ASXL2: variants seen among roughly 807,000 people sequenced by gnomAD.
ASXL2 encodes putative Polycomb group protein ASXL2.
Under a neutral mutation model 122.0 loss-of-function variants are expected in ASXL2, and 23 were observed. That is an observed-to-expected ratio of 0.19 (90% confidence interval 0.14 to 0.27). ASXL2 has a LOEUF of 0.27. ASXL2 is among the 10% of genes least tolerant of loss of function. The pLI is 1.00. For synonymous variants in ASXL2, 650 were observed against 637.0 expected (o/e 1.02, Z -0.31); for missense variants, 1,518 against 1,713.8 (o/e 0.89, Z 2.02).
At chr2:25,846,184 T>G (rs566297985) in intron 1 of ASXL2, among the ~76,000 whole-genome samples, 1 of 152,320 alleles carries the variant, frequency 6.6e-6, no homozygotes, top group East Asian at 1.9e-4. Context: ...TGAGGCACAG[T>G]AAAGAGGGCA....
intron 8 of ASXL2, among the ~76,000 whole-genome samples, chr2:25,761,678 A>C (rs965716559): frequency 6.6e-6 from 1 of 151,548 alleles, no homozygotes; most frequent in African/African-American, 2.4e-5. Flanking sequence ...GTCTCAAAAA[A>C]AAAAAAAAAA....
At chr2:25,799,307 C>A in intron 5 of ASXL2, 78 bp downstream of exon 5, 1 of 1,596,488 alleles carries the variant, frequency 6.3e-7, no homozygotes. Flanking sequence ...GACCTGGAGT[C>A]TGGGAAAAGA....
At chr2:25,840,061 C>T (rs549883531) in intron 2 of ASXL2, among the ~76,000 whole-genome samples, 1 of 151,954 alleles carries the variant, frequency 6.6e-6, no homozygotes, top group African/African-American at 2.4e-5. Flanking sequence ...TGCATTAATG[C>T]ATAAAAACAA....
chr2:25,796,761 C>T (rs546752898), intron 5 of ASXL2, among the ~76,000 whole-genome samples: 7 of 152,306 alleles, frequency 4.6e-5, no homozygotes, highest in Admixed American at 3.9e-4. Flanking sequence ...CTATGGATGA[C>T]TTAAGACCTT....
chr2:25,743,858 A>C lies in ASXL2; in HGVS notation c.2479T>G (p.Cys827Gly). 1.2e-6 allele frequency: 2 copies of C among 1,613,998 alleles called. No individual in the cohort carries two copies. The highest frequency in any genetic ancestry group is 1.7e-6 in the Non-Finnish European group (2 of 1,179,898). ...SVSHPQGPSS[C>G]RQEKAPSPTG... The stretch of plus-strand genomic sequence containing the variant: ...GGAGAAGGTGCTTTCTCCTGTCTGC[A>C]ACTACTGGGCCCTTGTGGATGGCTG... The change falls in exon 13 of 13, where the codon TGC (cysteine) becomes GGC (glycine). Residue 827 changes from cysteine to glycine, a missense_variant. Around this residue, in one of 8 missense-constraint regions of ASXL2, gnomAD observed 831 missense variants for 833.1 expected, o/e 1.00. Coordinates refer to ENST00000435504, the MANE Select transcript of ASXL2 (RefSeq NM_018263.6).
At position 25,744,485 on chromosome 2, in the gene ASXL2, AGT is replaced by A. The variant is rs1209946902; in HGVS notation, c.1861-11_1861-10del. ...ATTCTGGAGACCGGGATCTGAAAGA[AGT>A]AGAGGGGAAAAAAACAACAGAGCTT... On this transcript the variant is annotated splice_polypyrimidine_tract_variant and intron_variant, in intron 12 of 12. Transcript: ENST00000435504. The surrounding 1 kb of genome is among the most constrained non-coding windows in gnomAD (Gnocchi z 4.7). 1 of 1,576,764 alleles carries A rather than the reference AGT, an allele frequency of 6.3e-7. No homozygotes were observed. Among genetic ancestry groups the A allele is most frequent in the Admixed American group, 2.0e-5 (1 of 49,434 alleles).
intron 2 of ASXL2, among the ~76,000 whole-genome samples, chr2:25,841,982 C>T (rs1383737864): frequency 1.4e-5 from 2 of 144,664 alleles, no homozygotes; most frequent in Non-Finnish European, 3.0e-5. Context: ...CATGGTGGCA[C>T]GTGCCTATAG....
intron 3 of ASXL2, among the ~76,000 whole-genome samples, chr2:25,832,974 T>C (rs181521537): frequency 2.0e-5 from 3 of 152,204 alleles, no homozygotes; most frequent in Non-Finnish European, 1.5e-5. Context: ...CATTAAACAC[T>C]TGAAATGACA....
intron 6 of ASXL2, among the ~76,000 whole-genome samples, chr2:25,770,955 C>T (rs1328675352): frequency 4.0e-5 from 6 of 150,576 alleles, no homozygotes; most frequent in East Asian, 2.0e-4. Context: ...GAGTATCTAC[C>T]GGCCAGGTGC....
Position 25,742,605 on chromosome 2 carries a change from A to G in ASXL2, c.3732T>C (p.Ser1244=). 1 of 1,613,940 alleles carries G rather than the reference A, an allele frequency of 6.2e-7. No homozygotes were observed. The highest frequency in any genetic ancestry group is 8.5e-7 in the Non-Finnish European group (1 of 1,179,890). Residue 1244 remains serine, a synonymous_variant, in exon 13 of 13, where the codon AGT becomes AGC. Transcript: ENST00000435504. ...CTCTAGTGAACAGGTAATTCTCCTT[A>G]CTTAAAGTGGTTTGCTCATTCAATG... ...EIPLNEQTTL[S]KENYLFTRGQ...
intron 2 of ASXL2, among the ~76,000 whole-genome samples, chr2:25,840,197 CT>C (rs760804676): frequency 6.6e-6 from 1 of 152,016 alleles, no homozygotes; most frequent in Non-Finnish European, 1.5e-5. Flanking sequence ...TATTGTAATG[CT>C]TTTATAAAAA....
At chr2:25,776,141 T>C (rs13428922) in intron 5 of ASXL2, among the ~76,000 whole-genome samples, 9 of 152,294 alleles carry the variant, frequency 5.9e-5, no homozygotes, top group African/African-American at 2.2e-4. Context: ...AAAAACACCA[T>C]ACATGTTAAC....
At chr2:25,760,441 A>C (rs1326808251) in intron 8 of ASXL2, among the ~76,000 whole-genome samples, 1 of 152,206 alleles carries the variant, frequency 6.6e-6, no homozygotes, top group African/African-American at 2.4e-5. Flanking sequence ...ATGGCAAAAT[A>C]TTGTAATATG....
chr2:25,826,408 C>T (rs1193001621), intron 3 of ASXL2, among the ~76,000 whole-genome samples: 5 of 152,170 alleles, frequency 3.3e-5, no homozygotes, highest in African/African-American at 1.2e-4. Context: ...ATCTTTAATA[C>T]ATTAAGCTTG....
chr2:25,869,549 C>A (rs2089943809), intron 1 of ASXL2, among the ~76,000 whole-genome samples: 1 of 152,112 alleles, frequency 6.6e-6, no homozygotes, highest in South Asian at 2.1e-4. Flanking sequence ...CAGCCGGGTG[C>A]AGTGGCTCAT....
chr2:25,762,910 A>G (rs933109692), intron 8 of ASXL2, among the ~76,000 whole-genome samples: 2 of 152,182 alleles, frequency 1.3e-5, no homozygotes, highest in South Asian at 4.1e-4. Context: ...CACACCAGGC[A>G]AAAACTAACC....
At chr2:25,844,578 AAAAAAAAACAAAC>A (rs1249880064) in intron 2 of ASXL2, among the ~76,000 whole-genome samples, 1 of 151,812 alleles carries the variant, frequency 6.6e-6, no homozygotes, top group East Asian at 1.9e-4. Flanking sequence ...TCCGTCTCAA[AAAAAAAAACAAAC>A]AAAAAAAACA....
At position 25,742,738 on chromosome 2, in the gene ASXL2, T is replaced by G. The variant is rs780406298; in HGVS notation, c.3599A>C (p.Gln1200Pro). The G allele has an allele frequency of 3.1e-6, 5 of 1,613,868 alleles. No homozygotes were observed. The Admixed American group carries it at 8.3e-5, about 27-fold the overall frequency. The change falls in exon 13 of 13, where the codon CAG becomes CCG. Residue 1200 changes from glutamine to proline, a missense_variant. Gln to Pro is a moderately conservative substitution (Grantham distance 76). Transcript: ENST00000435504. ...QESVTVKEEP[Q>P]VSQSAGKGDT... ...ACCCTTGCCAGCACTCTGGGAAACC[T>G]GGGGCTCCTCTTTCACTGTGACAGA...
rs1427687376 is a variant in ASXL2 at position 25,753,608 on chromosome 2, A to C, written c.1068T>G (p.Ile356Met). 6.2e-7 allele frequency: 1 copy of C among 1,613,578 alleles called. No homozygotes were observed. Among genetic ancestry groups the C allele is most frequent in the Admixed American group, 1.7e-5 (1 of 59,980 alleles). The change falls in exon 11 of 13, where the codon ATT becomes ATG. Residue 356 changes from isoleucine (I) to methionine (M), a missense_variant. Transcript: ENST00000435504. ...GEFTPEMQVR[I>M]RQEIEKEKKV... ...TTTTCTCCTTCTCAATCTCTTGTCG[A>C]ATTCTCACCTGCATCTCAGGTGTAA...
Sources: allele counts gnomAD v4.1 joint callset (sites outside exome capture counted in the v4.1 genomes callset), GRCh38; gene constraint gnomAD v4.1.1; regional missense constraint gnomAD v4.1.1; non-coding constraint Gnocchi (gnomAD v3.1); transcripts MANE v1.5; gene names NCBI Gene and HGNC (gene_info 2026-07-23, HGNC 2026-07-21).